GPR161: variants seen among roughly 807,000 people sequenced by gnomAD.
GPR161 encodes G-protein coupled receptor RE2.
In GPR161, 25 loss-of-function variants were observed where a neutral mutation model predicts 39.2. The ratio of observed to expected loss-of-function variants is 0.64; its 90% CI spans 0.47 to 0.89. The LOEUF (loss-of-function observed/expected upper bound fraction) is 0.89, where lower values mean the gene tolerates loss of function less well. GPR161 is among the 40% of genes least tolerant of loss of function. The pLI is 0.00. For synonymous variants in GPR161, 286 were observed against 276.6 expected (o/e 1.03, Z -0.34); for missense variants, 547 against 677.8 (o/e 0.81, Z 2.14).
Position 168,104,898 on chromosome 1 carries a change from G to T in GPR161, c.-44-4C>A. The T allele has an allele frequency of 6.3e-7, 1 of 1,599,614 alleles. No homozygotes were observed. The highest frequency in any genetic ancestry group is 8.5e-7 in the Non-Finnish European group (1 of 1,170,258). ...GTGGGCAGAGCATGCTGGACGACTG[G>T]AAAGATAAGGCAGGACCAGGGGACA... On this transcript the variant is annotated splice_region_variant and splice_polypyrimidine_tract_variant and intron_variant, in intron 1 of 5. Transcript: ENST00000682931.
intron 1 of GPR161, among the ~76,000 whole-genome samples, chr1:168,132,849 A>G (rs371484512): frequency 2.2e-3 from 328 of 152,184 alleles, no homozygotes; most frequent in African/African-American, 7.3e-3. Context: ...GGTTCAAGCG[A>G]TTCTCCTGCC....
chr1:168,087,339 G>A (rs1243152504), intron 5 of GPR161, among the ~76,000 whole-genome samples: 2 of 151,654 alleles, frequency 1.3e-5, no homozygotes, highest in Non-Finnish European at 2.9e-5. Context: ...GTGTGGGTGT[G>A]TGTGTGTGTG....
At chr1:168,086,840 G>C (rs1694550944) in intron 5 of GPR161, among the ~76,000 whole-genome samples, 1 of 152,210 alleles carries the variant, frequency 6.6e-6, no homozygotes, top group Non-Finnish European at 1.5e-5. Context: ...TCTGAACTCA[G>C]GGAGGGGTGT....
chr1:168,104,363 C>A lies in GPR161; in HGVS notation c.374+114G>T, dbSNP rs2294817. 0.33 allele frequency: 262,321 copies of A among 800,048 alleles called. 44,785 individuals are homozygous for A. The highest frequency in any genetic ancestry group is 0.49 in the Admixed American group (19,342 of 39,086). The allele number at this position is 800,048 out of a possible 1,614,324, so 49.6% of individuals were successfully genotyped here. On this transcript the variant is annotated intron_variant, in intron 2 of 5. Coordinates refer to ENST00000682931, the MANE Select transcript of GPR161 (RefSeq NM_001375883.1). ...AGGCAGAACTCCACCTGGTCATCCT[C>A]CCCCAGCAAGGGCCCCTGACACTCT...
intron 4 of GPR161, chr1:168,088,478 G>A (rs988877066): frequency 6.6e-6 from 1 of 152,254 alleles, no homozygotes; most frequent in Non-Finnish European, 1.5e-5. Context: ...TCGCAGAGGT[G>A]TGATTACCCG....
intron 1 of GPR161, chr1:168,118,469 G>C (rs1697819997): frequency 6.6e-6 from 1 of 152,256 alleles, no homozygotes; most frequent in Non-Finnish European, 1.5e-5. Flanking sequence ...TGAGGGTTAG[G>C]AAGGGGAGTG....
chr1:168,128,687 G>A (rs1414321265), intron 1 of GPR161, among the ~76,000 whole-genome samples: 7 of 152,150 alleles, frequency 4.6e-5, no homozygotes, highest in Non-Finnish European at 8.8e-5. Flanking sequence ...TAATGACTAC[G>A]TGAATTAGTT....
chr1:168,132,007 G>A (rs766732689), intron 1 of GPR161, among the ~76,000 whole-genome samples: 10 of 152,238 alleles, frequency 6.6e-5, no homozygotes, highest in African/African-American at 9.6e-5. Flanking sequence ...ACTCAAGCCT[G>A]TAATTCCAGC....
chr1:168,123,533 T>TACACACACAC (rs879589931), intron 1 of GPR161, among the ~76,000 whole-genome samples: 2 of 97,570 alleles, frequency 2.0e-5, no homozygotes, highest in African/African-American at 4.7e-5. Context: ...GATATGCACA[T>TACACACACAC]ACATACACAC....
At position 168,120,505 on chromosome 1, in the gene GPR161, G is replaced by A. The variant is rs193016984; in HGVS notation, c.-44-15611C>T. Among the ~76,000 whole-genome samples the A allele has an allele frequency of 7.9e-5, 12 of 152,294 alleles. No individual in the cohort carries two copies. In the East Asian group the frequency reaches 2.1e-3, roughly 27 times the overall value. ...GACTTTTTGGTTAATGCTGGAATAA[G>A]TTAAGACCATGGGGGACTGTTGGGA... On this transcript the variant is annotated intron_variant, in intron 1 of 5. Coordinates refer to ENST00000682931, the MANE Select transcript of GPR161 (RefSeq NM_001375883.1).
At position 168,101,796 on chromosome 1, in the gene GPR161, T is replaced by C. The variant is rs112615976; in HGVS notation, c.374+2681A>G. On this transcript the variant is annotated intron_variant, in intron 2 of 5. Transcript: ENST00000682931. Reference sequence around the variant, plus strand: ...TGCCCTTGCTATTCTCCACTTCTACTTTCTTTTTCTTTTCTTTTCTTTTTT... The same window carrying C: ...TGCCCTTGCTATTCTCCACTTCTACCTTCTTTTTCTTTTCTTTTCTTTTTT... Among the ~76,000 whole-genome samples the C allele has an allele frequency of 2.9e-3, 442 of 152,260 alleles. 1 individual carries two copies. The highest frequency in any genetic ancestry group is 0.01 in the African/African-American group (420 of 41,558).
intron 1 of GPR161, chr1:168,135,927 T>G: frequency 4.6e-6 from 3 of 647,228 alleles, no homozygotes; most frequent in Non-Finnish European, 4.1e-6. Flanking sequence ...GCCTCCAAGA[T>G]GTGATATAAA....
chr1:168,125,615 T>C (rs901556284), intron 1 of GPR161, among the ~76,000 whole-genome samples: 1 of 142,210 alleles, frequency 7.0e-6, no homozygotes, highest in African/African-American at 2.8e-5. Context: ...ACTATCTTGC[T>C]TCCCCCCCCT....
In GPR161 at chr1:168,098,035, G is replaced by C. The variant is rs929034262; in HGVS notation, c.375-803C>G. ...CTGCTAGGTAGGAGGTGGGCCAGGAGGGCTATCCATTCAAACTGGCAGGCT... is the reference window on the plus strand; with the variant it reads ...CTGCTAGGTAGGAGGTGGGCCAGGACGGCTATCCATTCAAACTGGCAGGCT... On this transcript the variant is annotated intron_variant, in intron 2 of 5. Coordinates refer to ENST00000682931, the MANE Select transcript of GPR161 (RefSeq NM_001375883.1). The surrounding 1 kb of genome is among the most constrained non-coding windows in gnomAD (Gnocchi z 4.1). 2.0e-5 allele frequency among the ~76,000 whole-genome samples: 3 copies of C among 152,178 alleles called. No individual in the cohort carries two copies. The highest frequency in any genetic ancestry group is 4.4e-5 in the Non-Finnish European group (3 of 68,020).
intron 5 of GPR161, 36 bp downstream of exon 5, chr1:168,087,549 T>A (rs1333388388): frequency 2.0e-5 from 32 of 1,612,168 alleles, no homozygotes; most frequent in Non-Finnish European, 2.5e-5. Flanking sequence ...TCCGTTTCCC[T>A]ATGTTTTCTT....
At chr1:168,137,175 C>G, upstream of GPR161, 1 of 1,397,202 alleles carries the variant, frequency 7.2e-7, no homozygotes, top group Non-Finnish European at 9.3e-7. Context: ...CCTCTCGGCT[C>G]GCCCCACTTT....
chr1:168,125,348 A>G (rs533074659), intron 1 of GPR161, among the ~76,000 whole-genome samples: 3 of 152,182 alleles, frequency 2.0e-5, no homozygotes, highest in Non-Finnish European at 4.4e-5. Flanking sequence ...CCAGAATAGG[A>G]TTTAATATGT....
At chr1:168,119,580 T>C (rs1264850693) in intron 1 of GPR161, among the ~76,000 whole-genome samples, 1 of 152,008 alleles carries the variant, frequency 6.6e-6, no homozygotes, top group Non-Finnish European at 1.5e-5. Context: ...TGGATGGTGG[T>C]GATGGCTGCA....
chr1:168,115,242 T>C (rs985085332), intron 1 of GPR161, among the ~76,000 whole-genome samples: 2 of 152,094 alleles, frequency 1.3e-5, no homozygotes, highest in Non-Finnish European at 2.9e-5. Flanking sequence ...CAGTCACTTT[T>C]TTCCTTCCCT....
Sources: gnomAD v4.1 joint callset for allele counts (sites outside exome capture counted in the v4.1 genomes callset) on GRCh38, gnomAD v4.1.1 for gene constraint, Gnocchi (gnomAD v3.1) non-coding constraint, MANE v1.5 for transcripts, NCBI Gene and HGNC (gene_info 2026-07-23, HGNC 2026-07-21) for gene names.